Variants in ANXA3 observed in about 807,000 individuals in gnomAD.
The protein encoded by ANXA3 is annexin A3.
Under a neutral mutation model 48.8 loss-of-function variants are expected in ANXA3, and 46 were observed. The ratio of observed to expected loss-of-function variants is 0.94; its 90% CI spans 0.74 to 1.21. ANXA3 has a LOEUF of 1.21. Among genes scored for constraint, ANXA3 ranks in the 50% most tolerant of loss-of-function variants. The pLI is 0.00. For missense variants in ANXA3, 383 were observed against 378.6 expected (o/e 1.01, Z -0.10); for synonymous variants, 128 against 134.7 (o/e 0.95, Z 0.35).
chr4:78,592,572 C>T (rs1341168174), intron 7 of ANXA3, among the ~76,000 whole-genome samples: 3 of 152,116 alleles, frequency 2.0e-5, no homozygotes, highest in East Asian at 3.8e-4. Flanking sequence ...TGCACCCACC[C>T]ACAGGAGGCA....
intron 2 of ANXA3, among the ~76,000 whole-genome samples, chr4:78,557,435 C>A (rs1172218520): frequency 6.6e-6 from 1 of 152,172 alleles, no homozygotes; most frequent in East Asian, 1.9e-4. Context: ...TTTGCAAAGT[C>A]TCTTTCATCA....
chr4:78,584,513 T>G (rs529753591), intron 5 of ANXA3, among the ~76,000 whole-genome samples: 45 of 152,260 alleles, frequency 3.0e-4, no homozygotes, highest in African/African-American at 9.9e-4. Context: ...ATTATCTTTT[T>G]TCATCTAACT....
intron 5 of ANXA3, among the ~76,000 whole-genome samples, chr4:78,584,074 T>C (rs1723125670): frequency 6.6e-6 from 1 of 152,254 alleles, no homozygotes; most frequent in Non-Finnish European, 1.5e-5. Context: ...GAGATCTTTA[T>C]ACATGATGTT....
chr4:78,590,618 G>T (rs1723269129), intron 6 of ANXA3, among the ~76,000 whole-genome samples: 1 of 152,102 alleles, frequency 6.6e-6, no homozygotes, highest in Non-Finnish European at 1.5e-5. Context: ...ATTTAAGACT[G>T]ATGGGCACTG....
intron 7 of ANXA3, among the ~76,000 whole-genome samples, chr4:78,595,107 G>A (rs911097725): frequency 1.3e-5 from 2 of 152,162 alleles, no homozygotes; most frequent in Non-Finnish European, 2.9e-5. Context: ...ACTACACTCT[G>A]GCCTGGCCAA....
intron 4 of ANXA3, among the ~76,000 whole-genome samples, chr4:78,581,897 G>A (rs768730198): frequency 3.3e-5 from 5 of 152,128 alleles, no homozygotes; most frequent in East Asian, 1.9e-4. Flanking sequence ...AAAGCATGGC[G>A]GATCTAGGAA....
At chr4:78,593,803 ATTTT>A (rs60515646) in intron 7 of ANXA3, among the ~76,000 whole-genome samples, 1 of 88,740 alleles carries the variant, frequency 1.1e-5, no homozygotes, top group Non-Finnish European at 2.3e-5. Context: ...CATTCAGCTA[ATTTT>A]TTTTTTTTTT....
At chr4:78,577,633 C>T (rs1188933993) in intron 3 of ANXA3, among the ~76,000 whole-genome samples, 4 of 152,218 alleles carry the variant, frequency 2.6e-5, no homozygotes, top group Non-Finnish European at 5.9e-5. Flanking sequence ...ACCAAGTACA[C>T]AGAAGCTTTT....
intron 9 of ANXA3, among the ~76,000 whole-genome samples, chr4:78,596,743 TAA>T (rs1305655178): frequency 6.6e-6 from 1 of 152,218 alleles, no homozygotes; most frequent in Non-Finnish European, 1.5e-5. Context: ...TTTCTTTTTT[TAA>T]AAATGTATTG....
chr4:78,582,449 G>T, intron 5 of ANXA3, 159 bp downstream of exon 5: 1 of 539,870 alleles, frequency 1.9e-6, no homozygotes. Flanking sequence ...AACAGCTATA[G>T]AACCTTAAGC....
rs1723413490 is a variant in ANXA3 at position 78,595,838 on chromosome 4, C to T, written c.585C>T (p.Asp195=). ...AGENRWGTDE[D]KFTEILCLRS... Reference sequence around the variant, plus strand: ...AGAACAGATGGGGCACGGATGAAGACAAATTCACTGAGATCCTGTGTTTAA... The same window carrying T: ...AGAACAGATGGGGCACGGATGAAGATAAATTCACTGAGATCCTGTGTTTAA... Residue 195 remains aspartate (D), a synonymous_variant, in exon 9 of 13, where the codon GAC becomes GAT. Coordinates refer to ENST00000264908, the MANE Select transcript of ANXA3 (RefSeq NM_005139.3). 6.2e-7 allele frequency: 1 copy of T among 1,612,628 alleles called. No homozygotes were observed.
chr4:78,598,586 C>G (rs1380647618), intron 10 of ANXA3, among the ~76,000 whole-genome samples: 3 of 151,934 alleles, frequency 2.0e-5, no homozygotes, highest in Non-Finnish European at 4.4e-5. Context: ...GTTGCCCAAG[C>G]TGGAGTGTGG....
At position 78,591,535 on chromosome 4, in the gene ANXA3, T is replaced by C; in HGVS notation, c.404-9T>C. On this transcript the variant is annotated splice_polypyrimidine_tract_variant and intron_variant, in intron 6 of 12. Coordinates refer to ENST00000264908, the MANE Select transcript of ANXA3 (RefSeq NM_005139.3). ...GTCAAGGCTTAATTTCATTCTGATT[T>C]GGTTTCAGTATACAAGAAGAGTCTT... The C allele has an allele frequency of 6.3e-7, 1 of 1,590,426 alleles. No individual in the cohort carries two copies.
intron 12 of ANXA3, among the ~76,000 whole-genome samples, chr4:78,605,373 A>G (rs1186399930): frequency 6.6e-6 from 1 of 152,198 alleles, no homozygotes; most frequent in Non-Finnish European, 1.5e-5. Flanking sequence ...AAGGCTGAAT[A>G]TATTTTCATG....
In ANXA3 at chr4:78,610,252, A is replaced by G; in HGVS notation, c.*137A>G. 2.0e-6 allele frequency: 1 copy of G among 489,940 alleles called. No individual in the cohort carries two copies. The highest frequency in any genetic ancestry group is 3.6e-6 in the Non-Finnish European group (1 of 279,830). The allele number at this position is 489,940 out of a possible 1,614,324, so 30.3% of individuals were successfully genotyped here. A position where few individuals can be genotyped will look rare whatever the true frequency, so the allele number is the denominator to read the frequency against. ...TAACAGGAATTTTCATTGTTCTATA[A>G]CAACAACAACAAAAGCGATTATTAT... On this transcript the variant is annotated 3_prime_UTR_variant, in exon 13 of 13. Transcript: ENST00000264908.
intron 2 of ANXA3, among the ~76,000 whole-genome samples, chr4:78,555,535 A>G (rs1158746298): frequency 6.6e-6 from 1 of 152,210 alleles, no homozygotes; most frequent in Non-Finnish European, 1.5e-5. Context: ...TAAATGTCCA[A>G]TAACATCAGA....
intron 8 of ANXA3, 41 bp downstream of exon 8, chr4:78,595,478 C>T (rs778784985): frequency 8.8e-6 from 14 of 1,596,750 alleles, no homozygotes; most frequent in Non-Finnish European, 1.1e-5. Context: ...TACCTATTCT[C>T]CTATGTGGCT....
At chr4:78,601,429 T>C (rs1041880833) in intron 10 of ANXA3, 81 bp from the exon 11 acceptor site, 1 of 1,364,824 alleles carries the variant, frequency 7.3e-7, no homozygotes, top group African/African-American at 1.4e-5. Flanking sequence ...CCAAAGAATC[T>C]TTTTAAAAAA....
chr4:78,590,761 G>A (rs975277973), intron 6 of ANXA3, among the ~76,000 whole-genome samples: 6 of 145,366 alleles, frequency 4.1e-5, no homozygotes, highest in African/African-American at 1.4e-4. Context: ...AAAAAATATG[G>A]TTTAATTATA....
Sources: gnomAD v4.1 joint callset for allele counts (sites outside exome capture counted in the v4.1 genomes callset) on GRCh38, gnomAD v4.1.1 for gene constraint, MANE v1.5 for transcripts, NCBI Gene and HGNC (gene_info 2026-07-23, HGNC 2026-07-21) for gene names.